The following DOK6 variants were observed in gnomAD, a reference collection of about 807,000 sequenced individuals.
The protein encoded by DOK6 is downstream of tyrosine kinase 6.
A neutral mutation model predicts 44.0 loss-of-function variants in DOK6; 22 were observed. That is an observed-to-expected ratio of 0.50 (90% CI 0.36 to 0.71). The LOEUF is 0.71. Among genes scored for constraint, DOK6 ranks in the 30% least tolerant of loss-of-function variants. The pLI, the probability that DOK6 is intolerant of heterozygous loss-of-function variation, is 0.00. For synonymous variants in DOK6, 166 were observed against 145.5 expected, an observed-to-expected ratio of 1.14 and a Z score of -1.01; for missense variants, 340 against 416.4, an observed-to-expected ratio of 0.82 and a Z score of 1.60.
At chr18:69,810,314 C>A in intron 7 of DOK6, among the ~76,000 whole-genome samples, 1 of 151,888 alleles carries the variant, frequency 6.6e-6, no homozygotes, top group East Asian at 1.9e-4. Context: ...AATCAACTAA[C>A]AATGGATTAA....
intron 4 of DOK6, among the ~76,000 whole-genome samples, chr18:69,693,902 CAA>C (rs1414149576): frequency 6.6e-6 from 1 of 150,994 alleles, no homozygotes; most frequent in Non-Finnish European, 1.5e-5. Flanking sequence ...ACTAAAAATA[CAA>C]AAAAATTAGC....
intron 4 of DOK6, among the ~76,000 whole-genome samples, chr18:69,697,625 C>CAA (rs60966414): frequency 0.12 from 17,424 of 145,572 alleles, 1,214 homozygotes; most frequent in South Asian, 0.21. Flanking sequence ...TCTTATTTTT[C>CAA]AAAAAAAAAA....
chr18:69,684,448 A>G (rs939494709), intron 4 of DOK6, among the ~76,000 whole-genome samples: 1 of 152,096 alleles, frequency 6.6e-6, no homozygotes, highest in African/African-American at 2.4e-5. Flanking sequence ...CCCTGGGAAC[A>G]TGCCCTCTGT....
At chr18:69,537,089 GCC>G (rs1310683580) in intron 1 of DOK6, among the ~76,000 whole-genome samples, 5 of 151,768 alleles carry the variant, frequency 3.3e-5, no homozygotes, top group Non-Finnish European at 7.4e-5. Flanking sequence ...TCCCACCTCA[GCC>G]TCCCAAGGTG....
intron 1 of DOK6, among the ~76,000 whole-genome samples, chr18:69,404,861 G>A (rs1432743617): frequency 2.6e-5 from 4 of 152,058 alleles, no homozygotes; most frequent in African/African-American, 9.6e-5. Flanking sequence ...AGTGCCCACA[G>A]TTTAAGAGGC....
intron 1 of DOK6, among the ~76,000 whole-genome samples, chr18:69,474,681 T>C (rs1394286122): frequency 3.9e-5 from 6 of 152,220 alleles, no homozygotes; most frequent in African/African-American, 1.4e-4. Context: ...GTGCCTTCTT[T>C]GGCAAGAAAA....
At chr18:69,502,105 A>G (rs1981065027) in intron 1 of DOK6, among the ~76,000 whole-genome samples, 3 of 152,174 alleles carry the variant, frequency 2.0e-5, no homozygotes, top group Admixed American at 2.0e-4. Context: ...TTGACTTTCT[A>G]AAAGTGGTAA....
intron 1 of DOK6, among the ~76,000 whole-genome samples, chr18:69,435,076 A>AAGAAAGATTAGTGTAGGGAGGG (rs1978936530): frequency 6.7e-6 from 1 of 149,818 alleles, no homozygotes; most frequent in Non-Finnish European, 1.5e-5. Context: ...GGAAGGAAGG[A>AAGAAAGATTAGTGTAGGGAGGG]AGGAAGGAAG....
intron 1 of DOK6, among the ~76,000 whole-genome samples, chr18:69,427,839 G>A (rs1317716913): frequency 4.0e-5 from 6 of 150,718 alleles, no homozygotes; most frequent in African/African-American, 4.9e-5. Flanking sequence ...GTACAATGGC[G>A]TGATCTCGGC....
chr18:69,757,921 A>T, intron 7 of DOK6, 48 bp downstream of exon 7: 1 of 1,479,968 alleles, frequency 6.8e-7, no homozygotes, highest in Non-Finnish European at 9.4e-7. Context: ...AGCTTCCTCC[A>T]GGTGGACTGA....
chr18:69,809,214 C>T (rs4891775), intron 7 of DOK6, among the ~76,000 whole-genome samples: 85,563 of 151,152 alleles, frequency 0.57, 28,308 homozygotes, highest in East Asian at 0.75. Flanking sequence ...ATATAATCAT[C>T]TCAGAATGCA....
intron 3 of DOK6, among the ~76,000 whole-genome samples, chr18:69,639,809 G>A (rs1327741563): frequency 6.6e-6 from 1 of 152,148 alleles, no homozygotes; most frequent in Non-Finnish European, 1.5e-5. Context: ...ATTACTAATT[G>A]GCTGAGGAAT....
At chr18:69,694,015 C>A (rs1048691222) in intron 4 of DOK6, among the ~76,000 whole-genome samples, 20 of 142,498 alleles carry the variant, frequency 1.4e-4, no homozygotes, top group Non-Finnish European at 2.4e-4. Context: ...GCCGAGATCC[C>A]GCCACCGCAC....
intron 4 of DOK6, among the ~76,000 whole-genome samples, chr18:69,694,945 T>C (rs184299460): frequency 2.0e-5 from 3 of 152,312 alleles, no homozygotes. Context: ...CTGTCTCTTG[T>C]TTTGTTCCAA....
At chr18:69,607,114 G>A (rs2144627660) in intron 3 of DOK6, among the ~76,000 whole-genome samples, 1 of 152,268 alleles carries the variant, frequency 6.6e-6, no homozygotes, top group South Asian at 2.1e-4. Flanking sequence ...ATGGGTTTGT[G>A]TCACAGTTGC....
intron 1 of DOK6, among the ~76,000 whole-genome samples, chr18:69,444,346 G>T (rs2122446747): frequency 6.6e-6 from 1 of 152,234 alleles, no homozygotes; most frequent in Admixed American, 6.5e-5. Flanking sequence ...AAACGTTGTG[G>T]ATGTATAACT....
At chr18:69,433,749 A>G (rs1050505602) in intron 1 of DOK6, among the ~76,000 whole-genome samples, 1 of 152,218 alleles carries the variant, frequency 6.6e-6, no homozygotes, top group Non-Finnish European at 1.5e-5. Flanking sequence ...AAAGAAATGT[A>G]GACTGTTTCC....
chr18:69,767,280 AG>A (rs1979746672), intron 7 of DOK6, among the ~76,000 whole-genome samples: 3 of 152,176 alleles, frequency 2.0e-5, no homozygotes. Context: ...CTAGTTTTTA[AG>A]GTTTTAGAAA....
chr18:69,636,407 T>A (rs1379870303), intron 3 of DOK6, among the ~76,000 whole-genome samples: 1 of 152,142 alleles, frequency 6.6e-6, no homozygotes, highest in African/African-American at 2.4e-5. Context: ...CTTTCTTCTG[T>A]CTATGTATAT....
Sources: allele counts gnomAD v4.1 joint callset (sites outside exome capture counted in the v4.1 genomes callset), GRCh38; gene constraint gnomAD v4.1.1; transcripts MANE v1.5; gene names NCBI Gene and HGNC (gene_info 2026-07-23, HGNC 2026-07-21).